Variants in BANK1 observed in about 807,000 individuals in gnomAD.
BANK1 encodes B cell scaffold protein with ankyrin repeats 1, also known as B-cell scaffold protein with ankyrin repeats.
A neutral mutation model predicts 94.5 loss-of-function variants in BANK1; 95 were observed. That is an observed-to-expected ratio of 1.00 (90% confidence interval 0.85 to 1.19). BANK1 has a LOEUF of 1.19. BANK1 is among the 50% of genes most tolerant of loss of function. BANK1 has a pLI of 0.00. For missense variants in BANK1, 987 were observed against 932.2 expected (o/e 1.06, Z -0.77); for synonymous variants, 334 against 308.4 (o/e 1.08, Z -0.87).
At chr4:101,986,448 A>G (rs1271712883) in intron 7 of BANK1, among the ~76,000 whole-genome samples, 2 of 152,112 alleles carry the variant, frequency 1.3e-5, no homozygotes, top group Non-Finnish European at 2.9e-5. Flanking sequence ...CTGGGGTCAG[A>G]CAAAATAGGA....
chr4:101,855,148 A>C lies in BANK1; in HGVS notation c.583A>C (p.Ile195Leu). The C allele has an allele frequency of 6.2e-7, 1 of 1,613,728 alleles. No individual in the cohort carries two copies. The highest frequency in any genetic ancestry group is 8.5e-7 in the Non-Finnish European group (1 of 1,179,672). Residue 195 changes from isoleucine to leucine, a missense_variant, in exon 3 of 17, where the codon ATA (isoleucine) becomes CTA (leucine). By Grantham distance (5) the Ile-to-Leu change is conservative (BLOSUM62 2). Transcript: ENST00000322953. ...ACTATCAGAAGCTTCAAGAAACACC[A>C]TACCACTAGCAGTGGTGCTTCCCAC... Reference protein sequence around the residue: ...EELSEASRNTIPLAVVLPTEI... With the variant: ...EELSEASRNTLPLAVVLPTEI...
intron 14 of BANK1, 98 bp downstream of exon 14, chr4:102,071,402 C>A: frequency 3.4e-6 from 4 of 1,165,984 alleles, no homozygotes; most frequent in South Asian, 1.4e-5. Context: ...TTAAGCAAGT[C>A]AGTGTAAACA....
chr4:102,060,510 G>T, intron 12 of BANK1, 121 bp downstream of exon 12: 2 of 1,048,076 alleles, frequency 1.9e-6, no homozygotes, highest in Non-Finnish European at 2.7e-6. Context: ...AGCCACTAAG[G>T]AAGATACTTC....
At chr4:102,017,547 T>G (rs1165624099) in intron 7 of BANK1, among the ~76,000 whole-genome samples, 2 of 152,182 alleles carry the variant, frequency 1.3e-5, no homozygotes, top group Admixed American at 1.3e-4. Flanking sequence ...CAGGTCAGAA[T>G]GAGAGATGTG....
At chr4:101,852,565 A>T (rs1727530237) in intron 2 of BANK1, among the ~76,000 whole-genome samples, 1 of 147,994 alleles carries the variant, frequency 6.8e-6, no homozygotes, top group African/African-American at 2.5e-5. Flanking sequence ...CCTACCACAT[A>T]GCTCTGTATA....
chr4:101,915,338 G>A (rs1159050258), intron 6 of BANK1, among the ~76,000 whole-genome samples: 2 of 152,102 alleles, frequency 1.3e-5, no homozygotes, highest in Admixed American at 6.6e-5. Context: ...TAATGCTTAA[G>A]TGCTACACTA....
At chr4:102,059,104 C>CTT (rs1051250214) in intron 11 of BANK1, among the ~76,000 whole-genome samples, 10 of 152,160 alleles carry the variant, frequency 6.6e-5, no homozygotes, top group African/African-American at 2.4e-4. Context: ...TCAACAAATT[C>CTT]TTATTACTGT....
chr4:101,959,532 A>C (rs1724492694), intron 7 of BANK1, among the ~76,000 whole-genome samples: 1 of 152,248 alleles, frequency 6.6e-6, no homozygotes, highest in African/African-American at 2.4e-5. Context: ...CTATAGCATG[A>C]AAATGCCAAG....
In BANK1 at chr4:101,848,152, G is replaced by C. The variant is rs542579077; in HGVS notation, c.470-6883G>C. 3.9e-5 allele frequency among the ~76,000 whole-genome samples: 6 copies of C among 152,270 alleles called. 1 individual carries two copies. The South Asian group carries it at 1.2e-3, about 32-fold the overall frequency. Reference sequence around the variant, plus strand: ...GCTTCTCCAGTGGGGCTGTGTGTTCGGGAGAGGAGGGTCTCTCTTTCCCAC... The same window carrying C: ...GCTTCTCCAGTGGGGCTGTGTGTTCCGGAGAGGAGGGTCTCTCTTTCCCAC... On this transcript the variant is annotated intron_variant, in intron 2 of 16. Coordinates refer to ENST00000322953, the MANE Select transcript of BANK1 (RefSeq NM_017935.5).
At chr4:101,948,037 G>A (rs1456363707) in intron 7 of BANK1, among the ~76,000 whole-genome samples, 3 of 152,052 alleles carry the variant, frequency 2.0e-5, no homozygotes, top group South Asian at 2.1e-4. Context: ...CACAACTATT[G>A]TAATTCTATT....
At chr4:101,884,195 T>G (rs1578377235) in intron 5 of BANK1, among the ~76,000 whole-genome samples, 1 of 152,190 alleles carries the variant, frequency 6.6e-6, no homozygotes, top group East Asian at 1.9e-4. Flanking sequence ...GCCATTTAAT[T>G]TTGTTAACCT....
In BANK1 at chr4:102,028,707, AT is replaced by A. The variant is rs1727183583; in HGVS notation, c.1595-1251del. Among the ~76,000 whole-genome samples, 4 of 152,300 alleles carry A rather than the reference AT, an allele frequency of 2.6e-5. No homozygotes were observed. In the South Asian group the frequency reaches 8.3e-4, roughly 32 times the overall value. On this transcript the variant is annotated intron_variant, in intron 9 of 16. Transcript: ENST00000322953. ...TTAATCAAAGCATATTATATCTGTT[AT>A]TAATAACTGCTACAAAAATATTTTA...
intron 5 of BANK1, among the ~76,000 whole-genome samples, chr4:101,874,496 T>G (rs549962399): frequency 6.6e-6 from 1 of 152,202 alleles, no homozygotes; most frequent in Non-Finnish European, 1.5e-5. Flanking sequence ...TTCTTTTCTC[T>G]TCACCAGCTC....
intron 1 of BANK1, among the ~76,000 whole-genome samples, chr4:101,792,242 C>T (rs189564485): frequency 1.3e-3 from 183 of 145,914 alleles, no homozygotes; most frequent in Admixed American, 2.2e-3. Context: ...CTTGTTCCTC[C>T]CATGCATTCC....
At chr4:101,857,220 G>A (rs947740961) in intron 3 of BANK1, among the ~76,000 whole-genome samples, 5 of 152,132 alleles carry the variant, frequency 3.3e-5, no homozygotes, top group Admixed American at 6.5e-5. Context: ...AAAAAATCTA[G>A]AAATTTTACC....
intron 9 of BANK1, among the ~76,000 whole-genome samples, chr4:102,027,072 T>A (rs1727130413): frequency 6.6e-6 from 1 of 152,166 alleles, no homozygotes; most frequent in Non-Finnish European, 1.5e-5. Context: ...GTAGATATAT[T>A]AATATTTAGC....
In BANK1 at chr4:102,073,694, G is replaced by A. The variant is rs151065949; in HGVS notation, c.2309G>A (p.Arg770Gln). ...TTTATTTTTTTTCAGCTTCCTGCTCGACCCCAAGTTGAAAAGGAATTTGGT... is the reference window on the plus strand; with the variant it reads ...TTTATTTTTTTTCAGCTTCCTGCTCAACCCCAAGTTGAAAAGGAATTTGGT... Reference protein sequence around the residue: ...NVHFSNKLPARPQVEKEFGFC... With the variant: ...NVHFSNKLPAQPQVEKEFGFC... Residue 770 changes from arginine (R) to glutamine (Q), a missense_variant, in exon 16 of 17, where the codon CGA becomes CAA. Coordinates refer to ENST00000322953, the MANE Select transcript of BANK1 (RefSeq NM_017935.5). The A allele has an allele frequency of 1.1e-4, 175 of 1,610,746 alleles. No homozygotes were observed. The African/African-American group carries it at 2.0e-3, about 18-fold the overall frequency.
chr4:101,971,848 T>G (rs1419933239), intron 7 of BANK1, among the ~76,000 whole-genome samples: 2 of 152,138 alleles, frequency 1.3e-5, no homozygotes, highest in Non-Finnish European at 2.9e-5. Context: ...GTTGATACCT[T>G]TCTTTTTCTT....
intron 7 of BANK1, among the ~76,000 whole-genome samples, chr4:101,932,384 C>G (rs979856390): frequency 6.6e-6 from 1 of 151,480 alleles, no homozygotes; most frequent in African/African-American, 2.4e-5. Context: ...TTCTGTTTCA[C>G]TAACTATGAA....
Sources: allele counts gnomAD v4.1 joint callset (sites outside exome capture counted in the v4.1 genomes callset), GRCh38; gene constraint gnomAD v4.1.1; transcripts MANE v1.5; gene names NCBI Gene and HGNC (gene_info 2026-07-23, HGNC 2026-07-21).